PARD6G: variants seen among roughly 807,000 people sequenced by gnomAD.
The protein encoded by PARD6G is partitioning defective 6 homolog gamma.
A neutral mutation model predicts 10.7 loss-of-function variants in PARD6G; 7 were observed. The ratio of observed to expected loss-of-function variants is 0.66; its 90% CI spans 0.37 to 1.23. The LOEUF (loss-of-function observed/expected upper bound fraction) is 1.23, where lower values mean the gene tolerates loss of function less well. PARD6G is among the 50% of genes most tolerant of loss of function. PARD6G has a pLI of 0.02. For missense variants in PARD6G, 548 were observed against 571.8 expected (o/e 0.96, Z 0.42); for synonymous variants, 287 against 269.4 (o/e 1.07, Z -0.64).
chr18:80,199,820 T>C (rs1385801326), intron 2 of PARD6G, among the ~76,000 whole-genome samples: 1 of 152,076 alleles, frequency 6.6e-6, no homozygotes, highest in East Asian at 1.9e-4. Context: ...ATTTATATAT[T>C]TTTTAGTAGA....
chr18:80,204,563 A>G (rs1167578488), intron 1 of PARD6G, among the ~76,000 whole-genome samples: 1 of 152,016 alleles, frequency 6.6e-6, no homozygotes, highest in East Asian at 1.9e-4. Flanking sequence ...GGTTACCAAA[A>G]GCAAAACAAA....
At chr18:80,213,876 T>C (rs1234204456) in intron 1 of PARD6G, among the ~76,000 whole-genome samples, 1 of 145,278 alleles carries the variant, frequency 6.9e-6, no homozygotes, top group Non-Finnish European at 1.5e-5. Context: ...GAGAATGGCA[T>C]GAATCCGGAA....
rs1379495705 is a variant in PARD6G, at chr18:80,189,140, G to A, written c.295+13570C>T. 12 of 152,270 alleles carry A rather than the reference G, an allele frequency of 7.9e-5. No individual in the cohort carries two copies. Among genetic ancestry groups the A allele is most frequent in the African/African-American group, 2.9e-4 (12 of 41,448 alleles). 9.4% of individuals were successfully genotyped at this position (152,270 alleles called of 1,614,324 possible). Reference sequence around the variant, plus strand: ...ACAGCAGTTACCAGAGAGCACAACTGTAATTGAAACAACCAGAAATAACCG... The same window carrying A: ...ACAGCAGTTACCAGAGAGCACAACTATAATTGAAACAACCAGAAATAACCG... On this transcript the variant is annotated intron_variant, in intron 2 of 2. Coordinates refer to ENST00000353265, the MANE Select transcript of PARD6G (RefSeq NM_032510.4). The surrounding 1 kb of genome is among the most constrained non-coding windows in gnomAD (Gnocchi z 5.5).
Position 80,192,328 on chromosome 18 carries a change from G to A in PARD6G, c.295+10382C>T, listed in dbSNP as rs544466101. Among the ~76,000 whole-genome samples the A allele has an allele frequency of 6.6e-6, 1 of 152,394 alleles. No individual in the cohort carries two copies. Among genetic ancestry groups the A allele is most frequent in the South Asian group, 2.1e-4 (1 of 4,832 alleles). ...CTCAGCTCCAGCTCAAGGGGGTCTT[G>A]TTTAGCTGCCACTTGGGAGCAGATC... is the stretch of plus-strand genomic sequence containing the variant. On this transcript the variant is annotated intron_variant, in intron 2 of 2. Coordinates refer to ENST00000353265, the MANE Select transcript of PARD6G (RefSeq NM_032510.4). This position sits in a 1 kb window ranked among gnomAD's most constrained non-coding sequence, Gnocchi z 4.9.
Position 80,228,559 on chromosome 18 carries a change from G to A in PARD6G, c.72+18718C>T, listed in dbSNP as rs1025014933. Among the ~76,000 whole-genome samples, 1 of 150,550 alleles carries A rather than the reference G, an allele frequency of 6.6e-6. No individual in the cohort carries two copies. Among genetic ancestry groups the A allele is most frequent in the Middle Eastern group, 3.2e-3 (1 of 310 alleles). On this transcript the variant is annotated intron_variant, in intron 1 of 2. Transcript: ENST00000353265. This position sits in a 1 kb window ranked among gnomAD's most constrained non-coding sequence, Gnocchi z 4.6. ...TCGTCTAAGGTCCCAGACACCACAGGGTCTTGGCCCCCAGGCCCACAGACT... is the reference window on the plus strand; with the variant it reads ...TCGTCTAAGGTCCCAGACACCACAGAGTCTTGGCCCCCAGGCCCACAGACT...
intron 2 of PARD6G, 91 bp downstream of exon 2, chr18:80,202,619 A>T: frequency 8.9e-7 from 1 of 1,120,796 alleles, no homozygotes; most frequent in Non-Finnish European, 1.3e-6. Flanking sequence ...AAAACGAACC[A>T]CATAGTCCTG....
rs924296853 is a variant in PARD6G, at chr18:80,192,620, G to C, written c.295+10090C>G. On this transcript the variant is annotated intron_variant, in intron 2 of 2. Coordinates refer to ENST00000353265, the MANE Select transcript of PARD6G (RefSeq NM_032510.4). This position sits in a 1 kb window ranked among gnomAD's most constrained non-coding sequence, Gnocchi z 4.9. ...CAGCCCCAGGGACCTGTGTGGGGCT[G>C]TCATGACACATTGAAGGGTACACTG... Among the ~76,000 whole-genome samples, 3 of 152,190 alleles carry C rather than the reference G, an allele frequency of 2.0e-5. No homozygotes were observed. Among genetic ancestry groups the C allele is most frequent in the African/African-American group, 7.2e-5 (3 of 41,446 alleles).
intron 1 of PARD6G, among the ~76,000 whole-genome samples, chr18:80,244,253 T>C (rs1353047884): frequency 6.6e-6 from 1 of 151,994 alleles, no homozygotes; most frequent in Non-Finnish European, 1.5e-5. Context: ...CGAAGCTAAG[T>C]GGGAAAAGGG....
At chr18:80,207,625 T>G (rs1235388695) in intron 1 of PARD6G, among the ~76,000 whole-genome samples, 2 of 152,210 alleles carry the variant, frequency 1.3e-5, no homozygotes, top group Non-Finnish European at 2.9e-5. Context: ...ACATAAAATT[T>G]ACCATATTAG....
chr18:80,212,652 A>G (rs1306431018), intron 1 of PARD6G, among the ~76,000 whole-genome samples: 3 of 152,036 alleles, frequency 2.0e-5, no homozygotes, highest in Non-Finnish European at 2.9e-5. Flanking sequence ...TTGGGAGGCC[A>G]AGGCGGGCGG....
At chr18:80,213,920 T>C (rs1166219488) in intron 1 of PARD6G, among the ~76,000 whole-genome samples, 1 of 139,536 alleles carries the variant, frequency 7.2e-6, no homozygotes, top group Non-Finnish European at 1.5e-5. Context: ...ATCATGCCAC[T>C]GCACTCCAAG....
chr18:80,199,347 G>A (rs1211791178), intron 2 of PARD6G, among the ~76,000 whole-genome samples: 1 of 152,194 alleles, frequency 6.6e-6, no homozygotes, highest in Non-Finnish European at 1.5e-5. Flanking sequence ...GCATGTGTCA[G>A]CGCATCATTT....
At chr18:80,244,922 G>A (rs1967528716) in intron 1 of PARD6G, among the ~76,000 whole-genome samples, 1 of 152,148 alleles carries the variant, frequency 6.6e-6, no homozygotes, top group Non-Finnish European at 1.5e-5. Flanking sequence ...CGGACCCTCT[G>A]GACAAGCAGC....
intron 1 of PARD6G, among the ~76,000 whole-genome samples, chr18:80,240,142 G>A (rs578262484): frequency 1.8e-4 from 28 of 152,318 alleles, no homozygotes; most frequent in Non-Finnish European, 3.7e-4. Context: ...AAACACTTCC[G>A]TTTAGGCTGT....
intron 1 of PARD6G, among the ~76,000 whole-genome samples, chr18:80,211,100 AT>A (rs1262353318): frequency 6.6e-6 from 1 of 152,040 alleles, no homozygotes; most frequent in Non-Finnish European, 1.5e-5. Flanking sequence ...AGCCATCTGT[AT>A]TTTTAGGTTT....
At chr18:80,207,041 G>C (rs556779115) in intron 1 of PARD6G, among the ~76,000 whole-genome samples, 4 of 144,624 alleles carry the variant, frequency 2.8e-5, no homozygotes, top group African/African-American at 9.9e-5. Context: ...AGATTCTTCC[G>C]ATGTTTATTT....
intron 2 of PARD6G, among the ~76,000 whole-genome samples, chr18:80,186,328 C>T: frequency 6.7e-6 from 1 of 148,412 alleles, no homozygotes; most frequent in African/African-American, 2.5e-5. Context: ...CACATGCTTG[C>T]ACACCCTCAC....
Position 80,182,829 on chromosome 18 carries a change from G to A in PARD6G, c.295+19881C>T, listed in dbSNP as rs2052854824. ...AATGACAAGTTACTATTTTGGGCAG[G>A]ACAAATGTTCCCAGAGAACTTTTAA... On this transcript the variant is annotated intron_variant, in intron 2 of 2. Coordinates refer to ENST00000353265, the MANE Select transcript of PARD6G (RefSeq NM_032510.4). This position sits in a 1 kb window ranked among gnomAD's most constrained non-coding sequence, Gnocchi z 4.5. The A allele has an allele frequency of 2.5e-6, 1 of 397,128 alleles. No homozygotes were observed. Among genetic ancestry groups the A allele is most frequent in the African/African-American group, 2.0e-5 (1 of 49,180 alleles). 24.6% of individuals were successfully genotyped at this position (397,128 alleles called of 1,614,324 possible).
chr18:80,168,567 TTA>T (rs2145248443), intron 2 of PARD6G, among the ~76,000 whole-genome samples: 1 of 136,352 alleles, frequency 7.3e-6, no homozygotes, highest in African/African-American at 2.7e-5. Flanking sequence ...TTCAGTCAAA[TTA>T]TGTTTGTGTG....
Sources: gnomAD v4.1 joint callset for allele counts (sites outside exome capture counted in the v4.1 genomes callset) on GRCh38, gnomAD v4.1.1 for gene constraint, Gnocchi (gnomAD v3.1) non-coding constraint, MANE v1.5 for transcripts, NCBI Gene and HGNC (gene_info 2026-07-23, HGNC 2026-07-21) for gene names.